The following ZFHX3 variants were observed in gnomAD, a reference collection of about 807,000 sequenced individuals.
The protein encoded by ZFHX3 is zinc finger homeobox 3, also known as zinc finger homeobox protein 3.
Under a neutral mutation model 279.1 loss-of-function variants are expected in ZFHX3, and 42 were observed. The ratio of observed to expected loss-of-function variants is 0.15; its 90% CI spans 0.12 to 0.19. ZFHX3 has a LOEUF of 0.19. Ranked by LOEUF, ZFHX3 falls within the 10% of genes least tolerant of loss-of-function variation. ZFHX3 has a pLI of 1.00. For synonymous variants in ZFHX3, 2,293 were observed against 1,957.8 expected (o/e 1.17, Z -4.52); for missense variants, 4,981 against 4,754.0 (o/e 1.05, Z -1.40).
intron 1 of ZFHX3, among the ~76,000 whole-genome samples, chr16:73,057,782 C>G (rs1166822835): frequency 6.6e-6 from 1 of 150,988 alleles, no homozygotes; most frequent in East Asian, 1.9e-4. Flanking sequence ...GCCTCGCCCC[C>G]TCCGGGACCC....
chr16:73,775,802 C>T (rs1372740990), intron 1 of ZFHX3, among the ~76,000 whole-genome samples: 2 of 152,092 alleles, frequency 1.3e-5, no homozygotes, highest in African/African-American at 2.4e-5. Context: ...TTGCCAGAGT[C>T]TCAGACAATG....
intron 1 of ZFHX3, among the ~76,000 whole-genome samples, chr16:73,703,701 C>A (rs761611198): frequency 2.6e-5 from 4 of 152,116 alleles, no homozygotes; most frequent in Non-Finnish European, 4.4e-5. Context: ...AGACACTGGA[C>A]TGGACTTTGC....
At chr16:73,060,794 A>G (rs556373793), upstream of ZFHX3, 3 of 152,314 alleles carry the variant, frequency 2.0e-5, no homozygotes, top group East Asian at 1.9e-4. Context: ...TTGGGAAAAA[A>G]TGTTGCCCTA....
intron 1 of ZFHX3, among the ~76,000 whole-genome samples, chr16:73,776,631 G>A (rs970567573): frequency 6.6e-6 from 1 of 152,146 alleles, no homozygotes; most frequent in Admixed American, 6.5e-5. Flanking sequence ...CTCGAATGCG[G>A]CTCTCACACT....
intron 3 of ZFHX3, among the ~76,000 whole-genome samples, chr16:72,948,842 C>T (rs1199716472): frequency 4.6e-5 from 7 of 152,178 alleles, no homozygotes; most frequent in Non-Finnish European, 8.8e-5. Flanking sequence ...TTCTTGACCA[C>T]GTCGGCACCA....
At chr16:73,457,965 G>A (rs984709974) in intron 2 of ZFHX3, among the ~76,000 whole-genome samples, 1 of 152,110 alleles carries the variant, frequency 6.6e-6, no homozygotes, top group Non-Finnish European at 1.5e-5. Flanking sequence ...GGGCACTTAA[G>A]CTCAGGTGTT....
In ZFHX3 at chr16:73,737,331, T is replaced by C. The variant is rs114031752; in HGVS notation, c.-1607-57091A>G. On this transcript the variant is annotated intron_variant, in intron 1 of 17. Transcript: ENST00000641206. The stretch of plus-strand genomic sequence containing the variant: ...GAATTACAGGCATGAGCCACTGCAC[T>C]CAGCCTGTGACTCCATTCTTGATAA... Among the ~76,000 whole-genome samples the C allele has an allele frequency of 3.4e-3, 516 of 152,250 alleles. 5 individuals are homozygous for C. Among genetic ancestry groups the C allele is most frequent in the African/African-American group, 0.012 (487 of 41,558 alleles).
intron 2 of ZFHX3, among the ~76,000 whole-genome samples, chr16:73,621,028 T>C (rs1470483623): frequency 6.6e-6 from 1 of 152,220 alleles, no homozygotes; most frequent in African/African-American, 2.4e-5. Context: ...AGCATCCATC[T>C]TCCAAGGGGG....
chr16:73,200,426 T>A (rs1005648739), intron 5 of ZFHX3, among the ~76,000 whole-genome samples: 4 of 152,232 alleles, frequency 2.6e-5, no homozygotes, highest in Non-Finnish European at 5.9e-5. Flanking sequence ...GAAAATTTAA[T>A]ATTATCGAAT....
chr16:72,791,215 T>G (rs3087608), intron 9 of ZFHX3: 5,026 of 152,290 alleles, frequency 0.033, 118 homozygotes, highest in Middle Eastern at 0.061. Context: ...GAGGATTAAA[T>G]GAAAGACCAC....
chr16:73,220,104 AAAAAAG>A (rs1401634671), intron 5 of ZFHX3, among the ~76,000 whole-genome samples: 1 of 150,562 alleles, frequency 6.6e-6, no homozygotes, highest in African/African-American at 2.5e-5. Context: ...AAAAAATTAA[AAAAAAG>A]AAAAAGAAAA....
chr16:72,787,851 G>A lies in ZFHX3; in HGVS notation c.10425C>T (p.Ser3475=), dbSNP rs759330286. 7 of 1,613,914 alleles carry A rather than the reference G, an allele frequency of 4.3e-6. No homozygotes were observed. Among genetic ancestry groups the A allele is most frequent in the Non-Finnish European group, 5.9e-6 (7 of 1,179,980 alleles). The change falls in exon 10 of 10, where the codon AGC becomes AGT. Residue 3475 remains serine (S), a synonymous_variant. Coordinates refer to ENST00000268489, the MANE Select transcript of ZFHX3 (RefSeq NM_006885.4). The stretch of plus-strand genomic sequence containing the variant: ...GGTGGCTCCTCGCTGCCTCCTCGTC[G>A]CTGAAGCCCGCCTGGCACTTGCGGC... ...LVCRKCQAGF[S]DEEAARSHLK... is the part of the protein sequence containing the mutation.
intron 5 of ZFHX3, among the ~76,000 whole-genome samples, chr16:73,157,298 T>G (rs1967112340): frequency 6.6e-6 from 1 of 152,064 alleles, no homozygotes; most frequent in African/African-American, 2.4e-5. Context: ...TCAAATACCC[T>G]CTGCCATACT....
intron 2 of ZFHX3, among the ~76,000 whole-genome samples, chr16:73,496,098 A>G (rs1030844415): frequency 1.3e-5 from 2 of 152,236 alleles, no homozygotes; most frequent in African/African-American, 4.8e-5. Context: ...GAGATAGCCT[A>G]TAAATCCTAA....
rs185137823 is a variant in ZFHX3 at position 73,786,098 on chromosome 16, C to T, written c.-1608+105553G>A. 1.3e-3 allele frequency among the ~76,000 whole-genome samples: 197 copies of T among 152,088 alleles called. 1 individual carries two copies. The highest frequency in any genetic ancestry group is 4.1e-3 in the African/African-American group (171 of 41,498). On this transcript the variant is annotated intron_variant, in intron 1 of 17. Transcript: ENST00000641206. ...ATTGGTCAGGCTGGTCTCGAACTCCCGACCTCAGATGATCCACCTGCCTTG... is the reference window on the plus strand; with the variant it reads ...ATTGGTCAGGCTGGTCTCGAACTCCTGACCTCAGATGATCCACCTGCCTTG...
At chr16:73,296,225 G>C (rs1223594111) in intron 4 of ZFHX3, among the ~76,000 whole-genome samples, 1 of 152,084 alleles carries the variant, frequency 6.6e-6, no homozygotes, top group Non-Finnish European at 1.5e-5. Flanking sequence ...AACTGAAAAA[G>C]CATAAAAATG....
chr16:73,579,115 T>C (rs1359119746), intron 2 of ZFHX3, among the ~76,000 whole-genome samples: 2 of 152,204 alleles, frequency 1.3e-5, no homozygotes, highest in Admixed American at 6.5e-5. Context: ...AACCTTAGTC[T>C]CCACAACCTC....
chr16:73,692,667 C>T (rs532331261), intron 1 of ZFHX3, among the ~76,000 whole-genome samples: 2 of 152,172 alleles, frequency 1.3e-5, no homozygotes, highest in African/African-American at 2.4e-5. Context: ...ACTTTGGGAT[C>T]GATACGTTAG....
intron 2 of ZFHX3, chr16:73,483,360 A>AGC (rs1243215563): frequency 2.2e-6 from 1 of 455,136 alleles, no homozygotes; most frequent in Non-Finnish European, 4.4e-6. Context: ...AAAGAGAGAG[A>AGC]GAGAGAGAGT....
Sources: allele counts gnomAD v4.1 joint callset (sites outside exome capture counted in the v4.1 genomes callset), GRCh38; gene constraint gnomAD v4.1.1; transcripts MANE v1.5; gene names NCBI Gene and HGNC (gene_info 2026-07-23, HGNC 2026-07-21).